NTF4: variants seen among roughly 807,000 people sequenced by gnomAD.
NTF4 encodes the protein neurotrophin-4.
NTF4 carries 2 observed loss-of-function variants against 4.4 expected under a neutral mutation model. That is an observed-to-expected ratio of 0.46 (90% CI 0.19 to 1.44). The LOEUF (loss-of-function observed/expected upper bound fraction) is 1.44. NTF4 is among the 40% of genes most tolerant of loss of function. The pLI, the probability that NTF4 is intolerant of heterozygous loss-of-function variation, is 0.26. For missense variants in NTF4, 260 were observed against 293.0 expected, an observed-to-expected ratio of 0.89 and a Z score of 0.82; for synonymous variants, 127 against 122.0, an observed-to-expected ratio of 1.04 and a Z score of -0.27.
rs200786116 is a variant in NTF4, at chr19:49,061,795, C to T, written c.203G>A (p.Arg68Gln). The change falls in exon 1 of 1, where the codon CGG becomes CAG. Residue 68 changes from arginine to glutamine, a missense_variant. By Grantham distance (43) the Arg-to-Gln change is conservative. Coordinates refer to ENST00000593537, the Ensembl canonical transcript of NTF4. This position sits in a 1 kb window ranked among gnomAD's most constrained non-coding sequence, Gnocchi z 4.9. ...GTTGGCCGGGGCACCTGCTGACTCC[C>T]GAAAGGCCCCAGCCTCCAGCAGGAA... 998 of 1,556,614 alleles carry T rather than the reference C, an allele frequency of 6.4e-4. 6 individuals are homozygous for T. The African/African-American group carries it at 0.012, about 19-fold the overall frequency.
In NTF4 at chr19:49,061,775, C is replaced by T. The variant is rs186082918; in HGVS notation, c.223G>A (p.Ala75Thr). 5 of 1,570,356 alleles carry T rather than the reference C, an allele frequency of 3.2e-6. No individual in the cohort carries two copies. Among genetic ancestry groups the T allele is most frequent in the Non-Finnish European group, 3.5e-6 (4 of 1,158,910 alleles). ...CTCACCCCACGCCGGCTGCGGTTGG[C>T]CGGGGCACCTGCTGACTCCCGAAAG... The change falls in exon 1 of 1, where the codon GCC (alanine) becomes ACC (threonine). Residue 75 changes from alanine (A) to threonine (T), a missense_variant. Physicochemically the swap from Ala to Thr is moderately conservative, Grantham distance 58. Transcript: ENST00000593537. This position sits in a 1 kb window ranked among gnomAD's most constrained non-coding sequence, Gnocchi z 4.9.
upstream of NTF4, chr19:49,064,341 C>G (rs924826950): frequency 6.5e-6 from 1 of 153,482 alleles, no homozygotes; most frequent in African/African-American, 2.4e-5. Context: ...GGAGCCCAGG[C>G]TGACCCAACC....
upstream of NTF4, chr19:49,063,894 A>G (rs1022484371): frequency 6.6e-6 from 1 of 152,198 alleles, no homozygotes; most frequent in African/African-American, 2.4e-5. Flanking sequence ...CAGGTTATAG[A>G]GGCAGGTGGG....
In NTF4 at chr19:49,061,228, G is replaced by A; in HGVS notation, c.*137C>T. The A allele has an allele frequency of 6.6e-7, 1 of 1,509,580 alleles. No individual in the cohort carries two copies. The highest frequency in any genetic ancestry group is 8.9e-7 in the Non-Finnish European group (1 of 1,127,914). 93.5% of individuals were successfully genotyped at this position (1,509,580 alleles called of 1,614,324 possible). On this transcript the variant is annotated 3_prime_UTR_variant, in exon 1 of 1. Coordinates refer to ENST00000593537, the Ensembl canonical transcript of NTF4. The surrounding 1 kb of genome is among the most constrained non-coding windows in gnomAD (Gnocchi z 4.9). ...AACCCCATGTGGTTTCACCCATCCTGCAGAGATTGAGCTCAAAATCAGAGA... is the reference window on the plus strand; with the variant it reads ...AACCCCATGTGGTTTCACCCATCCTACAGAGATTGAGCTCAAAATCAGAGA...
chr19:49,061,864 C>T lies in NTF4; in HGVS notation c.134G>A (p.Arg45Gln), dbSNP rs940302777. 3.1e-5 allele frequency: 48 copies of T among 1,535,718 alleles called. No individual in the cohort carries two copies. Among genetic ancestry groups the T allele is most frequent in the Middle Eastern group, 1.7e-4 (1 of 5,832 alleles). Residue 45 changes from arginine to glutamine, a missense_variant, in exon 1 of 1, where the codon CGA becomes CAA. Arg to Gln is a conservative substitution (Grantham distance 43, BLOSUM62 1). Transcript: ENST00000593537. This position sits in a 1 kb window ranked among gnomAD's most constrained non-coding sequence, Gnocchi z 4.9. ...AGGGGCACCCCTAGACAGGACTACT[C>T]GGGGGGAGAGAAGGTCCCACTCAGG...
In NTF4 at chr19:49,061,443, C is replaced by T. The variant is rs1199115885; in HGVS notation, c.555G>A (p.Gln185=). The change falls in exon 1 of 1, where the codon CAG becomes CAA. Residue 185 remains glutamine, a synonymous_variant. Transcript: ENST00000593537. This position sits in a 1 kb window ranked among gnomAD's most constrained non-coding sequence, Gnocchi z 4.9. ...GAATCCATCGCCAGCCCACACGGCC[C>T]TGGGCATCAGCGGTCAATGCCCGCA... 1.2e-6 allele frequency: 2 copies of T among 1,614,110 alleles called. No homozygotes were observed. The highest frequency in any genetic ancestry group is 1.7e-6 in the Non-Finnish European group (2 of 1,179,990).
chr19:49,059,592 G>T (rs989893753), downstream of NTF4, among the ~76,000 whole-genome samples: 2 of 152,152 alleles, frequency 1.3e-5, no homozygotes, highest in African/African-American at 2.4e-5. Context: ...CTGCCCAGGG[G>T]CCTGGTCTGT....
downstream of NTF4, chr19:49,058,908 G>C (rs1156939470): frequency 6.5e-6 from 1 of 152,846 alleles, no homozygotes; most frequent in Non-Finnish European, 1.5e-5. Context: ...CCCAGAGACA[G>C]AGAGACAGGG....
upstream of NTF4, among the ~76,000 whole-genome samples, chr19:49,062,550 C>T (rs949569491): frequency 7.2e-5 from 11 of 152,106 alleles, no homozygotes; most frequent in African/African-American, 2.4e-4. Flanking sequence ...TTTGGGAGGC[C>T]GAGATGGGCG....
At chr19:49,060,063 A>AAAAAAAAAAAAAAC (rs2040114731), downstream of NTF4, among the ~76,000 whole-genome samples, 1 of 146,284 alleles carries the variant, frequency 6.8e-6, no homozygotes, top group Non-Finnish European at 1.5e-5. Flanking sequence ...AAAAAAAAAA[A>AAAAAAAAAAAAAAC]AAAAAAGCTT....
downstream of NTF4, chr19:49,058,877 A>C (rs1355741989): frequency 6.5e-6 from 1 of 153,738 alleles, no homozygotes; most frequent in Non-Finnish European, 1.4e-5. Context: ...AGGCACATGG[A>C]TGGATGGAGT....
upstream of NTF4, among the ~76,000 whole-genome samples, chr19:49,063,534 A>G (rs1054999037): frequency 1.2e-4 from 19 of 152,090 alleles, no homozygotes; most frequent in Middle Eastern, 3.2e-3. Flanking sequence ...GGGAGACCCC[A>G]GTTCACCTCA....
upstream of NTF4, among the ~76,000 whole-genome samples, chr19:49,063,381 G>T (rs1012387839): frequency 3.4e-5 from 5 of 147,038 alleles, no homozygotes; most frequent in African/African-American, 1.3e-4. Flanking sequence ...GCAGTGGCAC[G>T]ATCTTGGCTC....
rs756962734 is a variant in NTF4, at chr19:49,061,748, C to T, written c.250G>A (p.Glu84Lys). The change falls in exon 1 of 1, where the codon GAA becomes AAA. Residue 84 changes from glutamate to lysine, a missense_variant. Physicochemically the swap from Glu to Lys is moderately conservative, Grantham distance 56. Coordinates refer to ENST00000593537, the Ensembl canonical transcript of NTF4. The surrounding 1 kb of genome is among the most constrained non-coding windows in gnomAD (Gnocchi z 4.9). ...CCCCGACGACTCGCTGGTGCAGTTT[C>T]GCTCACCCCACGCCGGCTGCGGTTG... The T allele has an allele frequency of 2.4e-5, 39 of 1,607,562 alleles. No individual in the cohort carries two copies. Among genetic ancestry groups the T allele is most frequent in the African/African-American group, 4.0e-5 (3 of 74,720 alleles).
At chr19:49,062,345 G>A (rs1046502926), upstream of NTF4, among the ~76,000 whole-genome samples, 4 of 152,034 alleles carry the variant, frequency 2.6e-5, no homozygotes, top group African/African-American at 7.2e-5. Flanking sequence ...AAAATTAACC[G>A]GGCATAGTGC....
At chr19:49,058,506 G>A, downstream of NTF4, 1 of 554,828 alleles carries the variant, frequency 1.8e-6, no homozygotes, top group South Asian at 2.4e-5. Context: ...AGGACTCCAG[G>A]ACCCTCCTCC....
rs747545895 is a variant in NTF4 at position 49,061,622 on chromosome 19, C to T, written c.376G>A (p.Ala126Thr). 1 of 1,613,812 alleles carries T rather than the reference C, an allele frequency of 6.2e-7. No homozygotes were observed. Among genetic ancestry groups the T allele is most frequent in the South Asian group, 1.1e-5 (1 of 91,090 alleles). ...TGGCGGAGGGGACTGCCGCCAGCTG[C>T]AGGCACCTCGCCCAACACCTCCACC... Residue 126 changes from alanine to threonine, a missense_variant, in exon 1 of 1, where the codon GCA becomes ACA. By Grantham distance (58) the Ala-to-Thr change is moderately conservative (BLOSUM62 0). Transcript: ENST00000593537. The surrounding 1 kb of genome is among the most constrained non-coding windows in gnomAD (Gnocchi z 4.9).
upstream of NTF4, chr19:49,062,106 A>G: frequency 7.5e-7 from 1 of 1,330,184 alleles, no homozygotes; most frequent in Non-Finnish European, 9.9e-7. Context: ...GCCTGCCAGG[A>G]TTGTGGGGAA....
At chr19:49,058,407 C>G (rs898929359), downstream of NTF4, 20 of 804,090 alleles carry the variant, frequency 2.5e-5, no homozygotes, top group African/African-American at 3.2e-4. Flanking sequence ...ACCCCCCACC[C>G]CAAACTCTGA....
Sources: allele counts gnomAD v4.1 joint callset (sites outside exome capture counted in the v4.1 genomes callset), GRCh38; gene constraint gnomAD v4.1.1; non-coding constraint Gnocchi (gnomAD v3.1); transcripts MANE v1.5; gene names NCBI Gene and HGNC (gene_info 2026-07-23, HGNC 2026-07-21).